CNBD1: variants seen among roughly 807,000 people sequenced by gnomAD.
CNBD1 encodes the protein cyclic nucleotide-binding domain-containing protein 1.
CNBD1 carries 71 observed loss-of-function variants against 54.4 expected under a neutral mutation model. That is an observed-to-expected ratio of 1.30 (90% CI 1.08 to 1.59). CNBD1 has a LOEUF of 1.59. Ranked by LOEUF, CNBD1 falls within the 40% of genes most tolerant of loss-of-function variation. The pLI, the probability that CNBD1 is intolerant of heterozygous loss-of-function variation, is 0.00. For missense variants in CNBD1, 659 were observed against 518.0 expected, an observed-to-expected ratio of 1.27 and a Z score of -2.64; for synonymous variants, 182 against 170.7, an observed-to-expected ratio of 1.07 and a Z score of -0.51.
At chr8:86,954,202 C>T (rs1474843182) in intron 4 of CNBD1, among the ~76,000 whole-genome samples, 1 of 152,166 alleles carries the variant, frequency 6.6e-6, no homozygotes, top group Non-Finnish European at 1.5e-5. Context: ...GAGAAAGCAA[C>T]ATTTCACCCT....
chr8:87,039,376 A>G (rs1393992640), intron 4 of CNBD1, among the ~76,000 whole-genome samples: 1 of 152,128 alleles, frequency 6.6e-6, no homozygotes, highest in African/African-American at 2.4e-5. Context: ...TTTGTACTCA[A>G]AAGTTTTGAT....
intron 4 of CNBD1, among the ~76,000 whole-genome samples, chr8:87,129,230 T>C (rs1358044427): frequency 1.3e-5 from 2 of 152,020 alleles, no homozygotes; most frequent in Non-Finnish European, 2.9e-5. Context: ...GAAATAATTT[T>C]AGTAAAATTA....
chr8:87,303,508 A>G (rs1809063237), intron 8 of CNBD1, among the ~76,000 whole-genome samples: 2 of 152,100 alleles, frequency 1.3e-5, no homozygotes, highest in African/African-American at 4.8e-5. Flanking sequence ...AAAGACTTAA[A>G]TGTTAGACCT....
chr8:86,987,581 G>A (rs548608090), intron 4 of CNBD1, among the ~76,000 whole-genome samples: 1 of 152,088 alleles, frequency 6.6e-6, no homozygotes, highest in African/African-American at 2.4e-5. Flanking sequence ...TCTTGTTCCA[G>A]TTCTCAAGAG....
chr8:87,218,974 T>C (rs1586337417), intron 5 of CNBD1, among the ~76,000 whole-genome samples: 1 of 151,978 alleles, frequency 6.6e-6, no homozygotes, highest in East Asian at 1.9e-4. Context: ...TGAAATCCTT[T>C]ACTGAAAAAA....
At chr8:87,277,710 G>A (rs10103909) in intron 6 of CNBD1, among the ~76,000 whole-genome samples, 42,576 of 151,262 alleles carry the variant, frequency 0.28, 6,434 homozygotes, top group African/African-American at 0.39. Context: ...TCAATTATTG[G>A]TTGGGGCCAT....
intron 10 of CNBD1, among the ~76,000 whole-genome samples, chr8:87,370,856 T>A (rs1489029288): frequency 6.6e-6 from 1 of 150,798 alleles, no homozygotes; most frequent in Non-Finnish European, 1.5e-5. Context: ...TTTTTATGGT[T>A]TTAGGTCTAA....
intron 4 of CNBD1, among the ~76,000 whole-genome samples, chr8:87,014,316 T>G (rs1311634867): frequency 6.6e-6 from 1 of 151,966 alleles, no homozygotes; most frequent in Non-Finnish European, 1.5e-5. Flanking sequence ...GTTTAATGTT[T>G]ATTCCTGTAG....
At chr8:86,894,538 T>C (rs1808822339) in intron 2 of CNBD1, among the ~76,000 whole-genome samples, 1 of 152,176 alleles carries the variant, frequency 6.6e-6, no homozygotes. Context: ...CTAAAGCCCA[T>C]TTACATTAGG....
In CNBD1 at chr8:87,382,805, G is replaced by T; in HGVS notation, c.*178G>T. The T allele has an allele frequency of 2.2e-6, 1 of 448,588 alleles. No homozygotes were observed. The highest frequency in any genetic ancestry group is 5.8e-5 in the South Asian group (1 of 17,250). 27.8% of individuals were successfully genotyped at this position (448,588 alleles called of 1,614,324 possible). On this transcript the variant is annotated 3_prime_UTR_variant, in exon 11 of 11. Coordinates refer to ENST00000518476, the MANE Select transcript of CNBD1 (RefSeq NM_173538.3). Reference sequence around the variant, plus strand: ...TGCCTTTCAAACACAGTTTTTATTAGCAGTCTTTCTTGGTTTGGATACTAA... The same window carrying T: ...TGCCTTTCAAACACAGTTTTTATTATCAGTCTTTCTTGGTTTGGATACTAA...
chr8:87,410,921 T>C (rs1304021144), intron 2 of CNBD1, among the ~76,000 whole-genome samples: 1 of 151,954 alleles, frequency 6.6e-6, no homozygotes, highest in South Asian at 2.1e-4. Context: ...GCTCGGATGA[T>C]TGTTAGCATT....
At chr8:87,341,816 A>G (rs572265748) in intron 8 of CNBD1, among the ~76,000 whole-genome samples, 3 of 152,324 alleles carry the variant, frequency 2.0e-5, no homozygotes, top group South Asian at 2.1e-4. Context: ...TATTGGTCTT[A>G]TCAGCTTCCA....
At chr8:87,370,221 G>A (rs371163118) in intron 10 of CNBD1, among the ~76,000 whole-genome samples, 7 of 151,758 alleles carry the variant, frequency 4.6e-5, no homozygotes, top group South Asian at 2.1e-4. Flanking sequence ...AGCATGATTT[G>A]TAGTCCTTTG....
intron 4 of CNBD1, among the ~76,000 whole-genome samples, chr8:86,967,945 G>A (rs1355950938): frequency 6.6e-6 from 1 of 152,134 alleles, no homozygotes; most frequent in Non-Finnish European, 1.5e-5. Flanking sequence ...GCGGTAAGGT[G>A]TAGGGAGAAA....
At chr8:87,267,219 G>A (rs1808276309) in intron 6 of CNBD1, among the ~76,000 whole-genome samples, 1 of 152,126 alleles carries the variant, frequency 6.6e-6, no homozygotes, top group African/African-American at 2.4e-5. Flanking sequence ...CAGAAACTAT[G>A]AAATAAATTG....
rs534013881 is a variant in CNBD1 at position 87,374,456 on chromosome 8, A to G, written c.1304-8164A>G. On this transcript the variant is annotated intron_variant, in intron 10 of 10. Coordinates refer to ENST00000518476, the MANE Select transcript of CNBD1 (RefSeq NM_173538.3). ...AGATCCTAATAAGGGCAACTTTAGT[A>G]TAACAGACTATTACTGAGGATTTTC... Among the ~76,000 whole-genome samples the G allele has an allele frequency of 1.8e-4, 27 of 152,008 alleles. 1 individual carries two copies. The East Asian group carries it at 4.8e-3, about 27-fold the overall frequency.
intron 4 of CNBD1, among the ~76,000 whole-genome samples, chr8:87,189,227 A>G (rs1049167564): frequency 1.3e-5 from 2 of 152,010 alleles, no homozygotes; most frequent in Non-Finnish European, 1.5e-5. Flanking sequence ...TTGTGTGGCT[A>G]TTGTTAACCA....
intron 2 of CNBD1, among the ~76,000 whole-genome samples, chr8:87,411,730 A>G (rs374550017): frequency 7.3e-5 from 11 of 151,022 alleles, no homozygotes; most frequent in African/African-American, 2.7e-4. Flanking sequence ...TTTCACCACC[A>G]AGTTATGTAC....
chr8:86,906,904 T>G (rs111747005), intron 3 of CNBD1, among the ~76,000 whole-genome samples: 24 of 152,200 alleles, frequency 1.6e-4, no homozygotes, highest in African/African-American at 4.8e-4. Flanking sequence ...AAATAAAGAG[T>G]GGACTGCCAA....
Sources: allele counts gnomAD v4.1 joint callset (sites outside exome capture counted in the v4.1 genomes callset), GRCh38; gene constraint gnomAD v4.1.1; transcripts MANE v1.5; gene names NCBI Gene and HGNC (gene_info 2026-07-23, HGNC 2026-07-21).